The following AGBL1 variants were observed in gnomAD, a reference collection of about 807,000 sequenced individuals.
AGBL1 encodes the protein cytosolic carboxypeptidase 4.
In AGBL1, 130 loss-of-function variants were observed where a neutral mutation model predicts 118.9. The observed-to-expected ratio is 1.09, with a 90% CI of 0.95 to 1.26. The LOEUF (loss-of-function observed/expected upper bound fraction) is 1.26. Ranked by LOEUF, AGBL1 falls within the 50% of genes most tolerant of loss-of-function variation. The probability of loss-of-function intolerance (pLI) is 0.00; values close to 1 mark genes in which losing one functional copy is unlikely to be tolerated. For synonymous variants in AGBL1, 555 were observed against 478.9 expected (o/e 1.16, Z -2.08); for missense variants, 1,584 against 1,298.1 (o/e 1.22, Z -3.38).
intron 24 of AGBL1, among the ~76,000 whole-genome samples, chr15:87,016,467 C>G (rs151189973): frequency 1.1e-3 from 169 of 152,226 alleles, no homozygotes; most frequent in Non-Finnish European, 2.1e-3. Context: ...AAGGAAGTCT[C>G]AACAAAATAC....
rs143010404 is a variant in AGBL1 at position 86,881,227 on chromosome 15, G to A, written c.3159-25860G>A. Among the ~76,000 whole-genome samples the A allele has an allele frequency of 4.4e-3, 663 of 152,228 alleles. 1 individual carries two copies. The highest frequency in any genetic ancestry group is 0.015 in the African/African-American group (630 of 41,532). ...TTTGAATTAGCATGGACCCAATTCT[G>A]GCATATAGAATAAAGTCTATAGAAA... On this transcript the variant is annotated intron_variant, in intron 22 of 22. Transcript: ENST00000614907.
intron 21 of AGBL1, among the ~76,000 whole-genome samples, chr15:86,583,391 G>A (rs1235885542): frequency 6.6e-6 from 1 of 151,882 alleles, no homozygotes; most frequent in Admixed American, 6.6e-5. Flanking sequence ...TTATCTATAT[G>A]TACCCAATGT....
At chr15:86,547,620 C>T (rs2083602327) in intron 20 of AGBL1, among the ~76,000 whole-genome samples, 1 of 152,032 alleles carries the variant, frequency 6.6e-6, no homozygotes, top group East Asian at 1.9e-4. Flanking sequence ...AAAGGCATAA[C>T]ATTATAGAGA....
chr15:86,293,139 C>A (rs1022972443), intron 16 of AGBL1, among the ~76,000 whole-genome samples: 6 of 152,104 alleles, frequency 3.9e-5, no homozygotes, highest in Non-Finnish European at 8.8e-5. Flanking sequence ...ATTCAGATGT[C>A]GGGATTTGTA....
intron 1 of AGBL1, among the ~76,000 whole-genome samples, chr15:86,109,023 A>ATATTTAAG (rs1343741938): frequency 1.1e-4 from 16 of 152,298 alleles, no homozygotes; most frequent in Middle Eastern, 3.4e-3. Flanking sequence ...AATATCTATC[A>ATATTTAAG]TATTTAAGGT....
chr15:86,502,220 T>C (rs1231884339), intron 18 of AGBL1, among the ~76,000 whole-genome samples: 3 of 151,554 alleles, frequency 2.0e-5, no homozygotes, highest in Non-Finnish European at 4.4e-5. Flanking sequence ...AACTTGGCTT[T>C]TAAATTTTAT....
Position 86,883,632 on chromosome 15 carries a change from C to T in AGBL1, c.3159-23455C>T, listed in dbSNP as rs537610360. On this transcript the variant is annotated intron_variant, in intron 22 of 22. Transcript: ENST00000614907. Reference sequence around the variant, plus strand: ...TAATTGATCTCCAAGCCCATCTCGCCCCGACTCCACTCCTAGGCTCTTTTC... The same window carrying T: ...TAATTGATCTCCAAGCCCATCTCGCTCCGACTCCACTCCTAGGCTCTTTTC... Among the ~76,000 whole-genome samples, 8 of 152,252 alleles carry T rather than the reference C, an allele frequency of 5.3e-5. No homozygotes were observed. In the East Asian group the frequency reaches 1.5e-3, roughly 29 times the overall value.
chr15:86,879,837 C>A (rs545517627), intron 22 of AGBL1, among the ~76,000 whole-genome samples: 1 of 152,252 alleles, frequency 6.6e-6, no homozygotes, highest in South Asian at 2.1e-4. Context: ...GCAGCCACAT[C>A]ATCTTTTGCC....
intron 6 of AGBL1, among the ~76,000 whole-genome samples, chr15:86,238,477 A>G (rs2078589471): frequency 6.6e-6 from 1 of 152,222 alleles, no homozygotes; most frequent in Non-Finnish European, 1.5e-5. Flanking sequence ...GTTTATTTGC[A>G]TCTAAGAAGC....
intron 22 of AGBL1, among the ~76,000 whole-genome samples, chr15:86,773,744 T>G (rs886288707): frequency 1.4e-4 from 21 of 152,120 alleles, no homozygotes; most frequent in African/African-American, 5.1e-4. Flanking sequence ...AGACCCCTGA[T>G]GCTGTCCACC....
At chr15:86,472,010 G>C (rs778552015) in intron 18 of AGBL1, among the ~76,000 whole-genome samples, 1 of 152,200 alleles carries the variant, frequency 6.6e-6, no homozygotes, top group Non-Finnish European at 1.5e-5. Flanking sequence ...AGAAGGTCAT[G>C]TGAAGACAGA....
chr15:86,833,167 C>T (rs897572978), intron 22 of AGBL1, among the ~76,000 whole-genome samples: 3 of 152,116 alleles, frequency 2.0e-5, no homozygotes, highest in Non-Finnish European at 4.4e-5. Flanking sequence ...ATGGGAGCTA[C>T]AATTCAAGAT....
intron 23 of AGBL1, among the ~76,000 whole-genome samples, chr15:86,931,801 G>GA (rs1223960694): frequency 1.3e-5 from 2 of 152,092 alleles, no homozygotes; most frequent in African/African-American, 4.8e-5. Context: ...CTATAACCCT[G>GA]AAGGCATCAT....
intron 21 of AGBL1, among the ~76,000 whole-genome samples, chr15:86,635,448 C>G (rs1235154263): frequency 6.6e-6 from 1 of 151,372 alleles, no homozygotes; most frequent in Non-Finnish European, 1.5e-5. Context: ...AACTGCGATT[C>G]AGGTTGCTGT....
intron 18 of AGBL1, among the ~76,000 whole-genome samples, chr15:86,485,159 G>A (rs2082697781): frequency 6.6e-6 from 1 of 152,146 alleles, no homozygotes; most frequent in Admixed American, 6.6e-5. Flanking sequence ...TTCAAGTGTG[G>A]TCTGTGGGCC....
intron 22 of AGBL1, among the ~76,000 whole-genome samples, chr15:86,829,551 C>T (rs2079075882): frequency 6.6e-6 from 1 of 151,534 alleles, no homozygotes; most frequent in Non-Finnish European, 1.5e-5. Context: ...AACCACTTGC[C>T]ATTTGAAAAA....
At chr15:86,379,425 CA>C (rs1288188993) in intron 17 of AGBL1, among the ~76,000 whole-genome samples, 1 of 151,992 alleles carries the variant, frequency 6.6e-6, no homozygotes, top group Admixed American at 6.6e-5. Context: ...GGTTCTCATT[CA>C]AACTAGATAT....
chr15:86,747,840 G>T (rs977155617), intron 22 of AGBL1, among the ~76,000 whole-genome samples: 1 of 152,128 alleles, frequency 6.6e-6, no homozygotes, highest in Non-Finnish European at 1.5e-5. Flanking sequence ...ACTATTCCAT[G>T]GTGTATATGT....
intron 22 of AGBL1, among the ~76,000 whole-genome samples, chr15:86,893,078 C>T (rs1438490831): frequency 6.6e-6 from 1 of 152,122 alleles, no homozygotes; most frequent in Non-Finnish European, 1.5e-5. Context: ...GACTCACTCA[C>T]CCAGGGAATT....
Sources: gnomAD v4.1 joint callset for allele counts (sites outside exome capture counted in the v4.1 genomes callset) on GRCh38, gnomAD v4.1.1 for gene constraint, MANE v1.5 for transcripts, NCBI Gene and HGNC (gene_info 2026-07-23, HGNC 2026-07-21) for gene names.